Variants in TSNARE1 observed in about 807,000 individuals in gnomAD.
The protein encoded by TSNARE1 is t-SNARE domain-containing protein 1.
In TSNARE1, 49 loss-of-function variants were observed where a neutral mutation model predicts 62.0. That is an observed-to-expected ratio of 0.79 (90% confidence interval 0.63 to 1.00). The LOEUF (loss-of-function observed/expected upper bound fraction) is 1.00, where lower values mean the gene tolerates loss of function less well. TSNARE1 is among the 50% of genes least tolerant of loss of function. The pLI is 0.00. For missense variants in TSNARE1, 755 were observed against 700.1 expected, an observed-to-expected ratio of 1.08 and a Z score of -0.88; for synonymous variants, 328 against 294.4, an observed-to-expected ratio of 1.11 and a Z score of -1.17.
intron 9 of TSNARE1, among the ~76,000 whole-genome samples, chr8:142,306,714 G>A (rs1048774833): frequency 2.6e-5 from 4 of 152,146 alleles, no homozygotes; most frequent in Non-Finnish European, 4.4e-5. Context: ...TGTTGAACAG[G>A]GTTGCATATC....
chr8:142,243,167 G>T (rs931764789), intron 12 of TSNARE1, among the ~76,000 whole-genome samples: 1 of 152,088 alleles, frequency 6.6e-6, no homozygotes, highest in South Asian at 2.1e-4. Context: ...GTAAATTAGC[G>T]CAGCCATCAT....
intron 12 of TSNARE1, chr8:142,269,441 AAC>A (rs1366875189): frequency 1.0e-6 from 1 of 985,310 alleles, no homozygotes; most frequent in Non-Finnish European, 1.2e-6. Context: ...CAAGACAGAA[AAC>A]ACACACAGCC....
chr8:142,269,846 G>A, intron 12 of TSNARE1: 1 of 985,458 alleles, frequency 1.0e-6, no homozygotes, highest in Non-Finnish European at 1.2e-6. Context: ...GCAGAAGGCA[G>A]CTGGACATGT....
At chr8:142,273,534 G>C in intron 12 of TSNARE1, 1 of 985,416 alleles carries the variant, frequency 1.0e-6, no homozygotes, top group Non-Finnish European at 1.2e-6. Flanking sequence ...CATCCTGCAG[G>C]TGACCTTGGC....
At chr8:142,301,829 C>T (rs908790578) in intron 9 of TSNARE1, among the ~76,000 whole-genome samples, 9 of 152,292 alleles carry the variant, frequency 5.9e-5, no homozygotes, top group African/African-American at 2.2e-4. Flanking sequence ...AGGGCCTCCA[C>T]AACAGCCGAG....
intron 12 of TSNARE1, among the ~76,000 whole-genome samples, chr8:142,253,315 C>A (rs958774446): frequency 1.3e-5 from 2 of 152,218 alleles, no homozygotes; most frequent in African/African-American, 2.4e-5. Context: ...GGCCAGCGTG[C>A]GTGCCGCGTC....
intron 1 of TSNARE1, among the ~76,000 whole-genome samples, chr8:142,367,352 T>C (rs1026616662): frequency 2.0e-5 from 3 of 152,114 alleles, no homozygotes; most frequent in Non-Finnish European, 4.4e-5. Context: ...TTCAGAACCC[T>C]AGAGAGTGAA....
At chr8:142,270,925 T>C in intron 12 of TSNARE1, 1 of 985,464 alleles carries the variant, frequency 1.0e-6, no homozygotes, top group Non-Finnish European at 1.2e-6. Flanking sequence ...ACATCACAGG[T>C]AGACAGCCCA....
In TSNARE1 at chr8:142,319,123, C is replaced by T. The variant is rs1371991303; in HGVS notation, c.894-489G>A. Among the ~76,000 whole-genome samples the T allele has an allele frequency of 2.6e-5, 4 of 151,866 alleles. No homozygotes were observed. Among genetic ancestry groups the T allele is most frequent in the Non-Finnish European group, 2.9e-5 (2 of 67,956 alleles). On this transcript the variant is annotated intron_variant, in intron 6 of 13. Transcript: ENST00000524325. The surrounding 1 kb of genome is among the most constrained non-coding windows in gnomAD (Gnocchi z 4.9). ...AGCCAGAACAGTGGCAGCCGGGCCC[C>T]ACCAATCGGCCACTGCGAGGACCAC...
At chr8:142,239,428 G>A (rs10092090) in intron 12 of TSNARE1, among the ~76,000 whole-genome samples, 86,200 of 151,904 alleles carry the variant, frequency 0.57, 26,523 homozygotes, top group African/African-American at 0.81. Context: ...GCGTTTAAAG[G>A]TCCATGCATT....
At chr8:142,222,853 C>A (rs111215835) in intron 13 of TSNARE1, among the ~76,000 whole-genome samples, 1 of 138,568 alleles carries the variant, frequency 7.2e-6, no homozygotes, top group Non-Finnish European at 1.6e-5. Flanking sequence ...TTCATCCACT[C>A]ACTCATCCAC....
At chr8:142,315,160 C>T in intron 7 of TSNARE1, 68 bp from the exon 8 acceptor site, 1 of 1,507,306 alleles carries the variant, frequency 6.6e-7, no homozygotes, top group South Asian at 1.1e-5. Flanking sequence ...CCACCACCCA[C>T]ACCTCCTCCC....
intron 11 of TSNARE1, among the ~76,000 whole-genome samples, chr8:142,283,106 G>C (rs1180276555): frequency 2.0e-5 from 3 of 149,738 alleles, no homozygotes; most frequent in Non-Finnish European, 3.0e-5. Flanking sequence ...CAGAGGGGAG[G>C]CCACTGTCTG....
intron 9 of TSNARE1, among the ~76,000 whole-genome samples, chr8:142,313,585 G>A (rs1828011590): frequency 6.6e-6 from 1 of 152,058 alleles, no homozygotes; most frequent in African/African-American, 2.4e-5. Flanking sequence ...GTGTTTATCT[G>A]CATGTGTCTC....
At chr8:142,240,308 C>G (rs1320643801) in intron 12 of TSNARE1, among the ~76,000 whole-genome samples, 1 of 152,206 alleles carries the variant, frequency 6.6e-6, no homozygotes, top group Non-Finnish European at 1.5e-5. Context: ...ACATTCCAAA[C>G]TTGTATACAA....
At chr8:142,256,560 CCAT>C (rs1174627378) in intron 12 of TSNARE1, among the ~76,000 whole-genome samples, 8 of 101,346 alleles carry the variant, frequency 7.9e-5, no homozygotes, top group East Asian at 3.1e-4. Flanking sequence ...ACCATCACCA[CCAT>C]CACCATCACC....
intron 13 of TSNARE1, among the ~76,000 whole-genome samples, chr8:142,213,915 C>G (rs1460414132): frequency 2.0e-5 from 3 of 151,350 alleles, no homozygotes; most frequent in Non-Finnish European, 4.4e-5. Flanking sequence ...TTCCAGGATT[C>G]TCCCCAAAAG....
chr8:142,268,149 A>G (rs6583613), intron 12 of TSNARE1, among the ~76,000 whole-genome samples: 84,089 of 152,102 alleles, frequency 0.55, 25,313 homozygotes, highest in African/African-American at 0.8. Flanking sequence ...CCTGCGTGCC[A>G]CCTGCCATTC....
At chr8:142,394,750 T>A (rs1837780950) in intron 1 of TSNARE1, among the ~76,000 whole-genome samples, 1 of 152,142 alleles carries the variant, frequency 6.6e-6, no homozygotes, top group African/African-American at 2.4e-5. Context: ...GCCATTGAGC[T>A]CTAAGCTGTG....
Sources: gnomAD v4.1 joint callset for allele counts (sites outside exome capture counted in the v4.1 genomes callset) on GRCh38, gnomAD v4.1.1 for gene constraint, Gnocchi (gnomAD v3.1) non-coding constraint, MANE v1.5 for transcripts, NCBI Gene and HGNC (gene_info 2026-07-23, HGNC 2026-07-21) for gene names.